CPB2: variants seen among roughly 807,000 people sequenced by gnomAD.
CPB2 encodes carboxypeptidase B2, also known as carboxypeptidase B-like protein.
CPB2 carries 54 observed loss-of-function variants against 57.0 expected under a neutral mutation model. That is an observed-to-expected ratio of 0.95 (90% CI 0.76 to 1.19). The LOEUF is 1.19. Among genes scored for constraint, CPB2 ranks in the 50% most tolerant of loss-of-function variants. CPB2 has a pLI of 0.00. For missense variants in CPB2, 426 were observed against 512.0 expected, an observed-to-expected ratio of 0.83 and a Z score of 1.62; for synonymous variants, 189 against 178.1, an observed-to-expected ratio of 1.06 and a Z score of -0.49.
At chr13:46,102,798 G>T (rs1478467121) in intron 1 of CPB2, among the ~76,000 whole-genome samples, 1 of 152,036 alleles carries the variant, frequency 6.6e-6, no homozygotes, top group Non-Finnish European at 1.5e-5. Context: ...GTGAAGGGAT[G>T]GGAACCAGGA....
intron 1 of CPB2, chr13:46,095,014 C>T (rs2045345915): frequency 6.6e-6 from 1 of 152,096 alleles, no homozygotes; most frequent in Non-Finnish European, 1.5e-5. Flanking sequence ...TAAGTCTGCA[C>T]CCTGGGGAAA....
chr13:46,061,689 T>C (rs1381502712), intron 8 of CPB2, among the ~76,000 whole-genome samples: 1 of 152,132 alleles, frequency 6.6e-6, no homozygotes, highest in African/African-American at 2.4e-5. Flanking sequence ...TAAATTTCTG[T>C]TGTTTAAGCC....
chr13:46,095,845 A>G (rs927889250), intron 1 of CPB2, among the ~76,000 whole-genome samples: 2 of 132,770 alleles, frequency 1.5e-5, no homozygotes, highest in Non-Finnish European at 3.2e-5. Flanking sequence ...AAAACTGGAA[A>G]CTCTTCTGAT....
At chr13:46,065,880 T>A (rs917259474) in intron 7 of CPB2, among the ~76,000 whole-genome samples, 1 of 152,116 alleles carries the variant, frequency 6.6e-6, no homozygotes, top group African/African-American at 2.4e-5. Flanking sequence ...GTGACTGAAT[T>A]CCACTGTGAT....
At chr13:46,070,676 A>G (rs947014676) in intron 6 of CPB2, among the ~76,000 whole-genome samples, 1 of 152,234 alleles carries the variant, frequency 6.6e-6, no homozygotes, top group Non-Finnish European at 1.5e-5. Context: ...AAGACACATG[A>G]AGGGAAAATT....
At chr13:46,066,203 GT>G (rs1566401116) in intron 7 of CPB2, among the ~76,000 whole-genome samples, 1 of 151,990 alleles carries the variant, frequency 6.6e-6, no homozygotes, top group Non-Finnish European at 1.5e-5. Flanking sequence ...ACTCAAGTAG[GT>G]TTTTCTAAAT....
intron 1 of CPB2, among the ~76,000 whole-genome samples, chr13:46,093,552 T>C (rs911424606): frequency 3.9e-5 from 6 of 152,190 alleles, no homozygotes; most frequent in African/African-American, 1.4e-4. Flanking sequence ...GTTTGATTTA[T>C]AACAGTTAAC....
At chr13:46,102,797 T>A (rs1172273252) in intron 1 of CPB2, among the ~76,000 whole-genome samples, 1 of 152,142 alleles carries the variant, frequency 6.6e-6, no homozygotes, top group Non-Finnish European at 1.5e-5. Context: ...AGTGAAGGGA[T>A]GGGAACCAGG....
intron 2 of CPB2, among the ~76,000 whole-genome samples, chr13:46,087,307 G>T (rs1290914797): frequency 6.6e-6 from 1 of 152,232 alleles, no homozygotes; most frequent in African/African-American, 2.4e-5. Context: ...CGCTCTAGAT[G>T]GGCCGCCACT....
At chr13:46,080,411 CG>C (rs2045094476) in intron 4 of CPB2, among the ~76,000 whole-genome samples, 1 of 151,966 alleles carries the variant, frequency 6.6e-6, no homozygotes, top group East Asian at 1.9e-4. Flanking sequence ...ATAATAGGGG[CG>C]GGGGTGCAAA....
At chr13:46,076,409 C>A in intron 5 of CPB2, among the ~76,000 whole-genome samples, 1 of 149,972 alleles carries the variant, frequency 6.7e-6, no homozygotes. Flanking sequence ...AAAAAAAAAC[C>A]TATAATAAAT....
chr13:46,062,694 C>G (rs534272268), intron 8 of CPB2, among the ~76,000 whole-genome samples: 2 of 152,064 alleles, frequency 1.3e-5, no homozygotes, highest in Non-Finnish European at 2.9e-5. Flanking sequence ...TTATGAGGAC[C>G]CTCCTTGTGC....
chr13:46,074,918 C>T (rs2044999337), intron 5 of CPB2, among the ~76,000 whole-genome samples: 1 of 152,150 alleles, frequency 6.6e-6, no homozygotes, highest in South Asian at 2.1e-4. Context: ...CTAACGCTGC[C>T]ACTGATCTGA....
intron 6 of CPB2, among the ~76,000 whole-genome samples, chr13:46,070,065 A>G (rs2139369365): frequency 6.6e-6 from 1 of 152,334 alleles, no homozygotes; most frequent in East Asian, 1.9e-4. Flanking sequence ...TGACTTTACA[A>G]TAGCGCAAAA....
intron 2 of CPB2, 24 bp downstream of exon 2, chr13:46,087,720 TA>T: frequency 6.6e-7 from 1 of 1,517,820 alleles, no homozygotes; most frequent in Non-Finnish European, 9.1e-7. Context: ...GAAACCAATA[TA>T]AACATAAATT....
chr13:46,104,592 AT>A (rs2045471985), intron 1 of CPB2, among the ~76,000 whole-genome samples: 1 of 152,190 alleles, frequency 6.6e-6, no homozygotes, highest in Non-Finnish European at 1.5e-5. Flanking sequence ...AACTTTTTTT[AT>A]GTGAAGACAG....
intron 6 of CPB2, among the ~76,000 whole-genome samples, chr13:46,071,479 T>G (rs1335367353): frequency 6.6e-6 from 1 of 152,062 alleles, no homozygotes; most frequent in East Asian, 1.9e-4. Context: ...GGAGTTGAGA[T>G]GAGGTTTAGT....
chr13:46,055,739 A>G, intron 10 of CPB2, 23 bp downstream of exon 10: 1 of 1,421,942 alleles, frequency 7.0e-7, no homozygotes, highest in Non-Finnish European at 9.8e-7. Context: ...AAGTTCTCTA[A>G]GATCATAAGA....
intron 8 of CPB2, among the ~76,000 whole-genome samples, chr13:46,062,207 C>A (rs1593884683): frequency 6.6e-6 from 1 of 151,736 alleles, no homozygotes; most frequent in Non-Finnish European, 1.5e-5. Flanking sequence ...ACTGACTTCA[C>A]CAAGAAAAAT....
Sources: gnomAD v4.1 joint callset for allele counts (sites outside exome capture counted in the v4.1 genomes callset) on GRCh38, gnomAD v4.1.1 for gene constraint, MANE v1.5 for transcripts, NCBI Gene and HGNC (gene_info 2026-07-23, HGNC 2026-07-21) for gene names.